Variants in TMEM135 observed in about 807,000 individuals in gnomAD.
TMEM135 encodes the protein peroxisomal membrane protein 52.
In TMEM135, 30 loss-of-function variants were observed where a neutral mutation model predicts 60.3. The ratio of observed to expected loss-of-function variants is 0.50; its 90% CI spans 0.37 to 0.68. The LOEUF (loss-of-function observed/expected upper bound fraction) is 0.68, where lower values mean the gene tolerates loss of function less well. Among genes scored for constraint, TMEM135 ranks in the 30% least tolerant of loss-of-function variants. The pLI, the probability that TMEM135 is intolerant of heterozygous loss-of-function variation, is 0.00. For synonymous variants in TMEM135, 190 were observed against 186.7 expected, an observed-to-expected ratio of 1.02 and a Z score of -0.14; for missense variants, 468 against 548.8, an observed-to-expected ratio of 0.85 and a Z score of 1.47.
intron 5 of TMEM135, among the ~76,000 whole-genome samples, chr11:87,211,938 C>T (rs549219653): frequency 5.3e-4 from 80 of 150,956 alleles, no homozygotes; most frequent in Non-Finnish European, 9.4e-4. Context: ...AGGGAGACTC[C>T]GTCTCAAAAA....
intron 6 of TMEM135, among the ~76,000 whole-genome samples, chr11:87,279,995 A>G (rs1422819771): frequency 6.6e-6 from 1 of 152,248 alleles, no homozygotes; most frequent in Non-Finnish European, 1.5e-5. Flanking sequence ...TGAATTTTAT[A>G]GTTTAATTAA....
intron 6 of TMEM135, among the ~76,000 whole-genome samples, chr11:87,274,646 T>C (rs1565151992): frequency 6.6e-6 from 1 of 152,070 alleles, no homozygotes; most frequent in Non-Finnish European, 1.5e-5. Context: ...TATTCTCATA[T>C]TAAAGAAGAT....
At chr11:87,259,896 A>G (rs1432952510) in intron 6 of TMEM135, among the ~76,000 whole-genome samples, 1 of 152,140 alleles carries the variant, frequency 6.6e-6, no homozygotes, top group Non-Finnish European at 1.5e-5. Context: ...GTTAATCACA[A>G]AGCCTCTTTG....
Position 87,324,022 on chromosome 11 carries a change from AATG to A in TMEM135, c.*2691_*2693del, listed in dbSNP as rs1412057682. 7 of 453,830 alleles carry A rather than the reference AATG, an allele frequency of 1.5e-5. No individual in the cohort carries two copies. Among genetic ancestry groups the A allele is most frequent in the Non-Finnish European group, 3.1e-5 (7 of 226,774 alleles). The allele number at this position is 453,830 out of a possible 1,614,324, so 28.1% of individuals were successfully genotyped here. On this transcript the variant is annotated 3_prime_UTR_variant, in exon 15 of 15. Coordinates refer to ENST00000305494, the MANE Select transcript of TMEM135 (RefSeq NM_022918.4). ...TATTTTTTTGGCTCTCAGATTTTATAATGAACTTTTATTAGACTGAACATGTAT... is the reference window on the plus strand; with the variant it reads ...TATTTTTTTGGCTCTCAGATTTTATAAACTTTTATTAGACTGAACATGTAT...
chr11:87,130,539 C>T lies in TMEM135; in HGVS notation c.397-26802C>T, dbSNP rs555047444. Among the ~76,000 whole-genome samples, 164 of 152,264 alleles carry T rather than the reference C, an allele frequency of 1.1e-3. 2 individuals are homozygous for T. Among genetic ancestry groups the T allele is most frequent in the African/African-American group, 3.8e-3 (157 of 41,552 alleles). On this transcript the variant is annotated intron_variant, in intron 4 of 14. Transcript: ENST00000305494. ...TGTCCTGCCATCCCCTCTTCTTTCC[C>T]TACTGTCTTTTTCATGGGTTATAGA... is the stretch of plus-strand genomic sequence containing the variant.
chr11:87,181,654 A>G (rs752132810), intron 5 of TMEM135, among the ~76,000 whole-genome samples: 4 of 152,200 alleles, frequency 2.6e-5, no homozygotes, highest in Non-Finnish European at 4.4e-5. Flanking sequence ...CGGCATAGTG[A>G]TACTAATAAT....
intron 6 of TMEM135, among the ~76,000 whole-genome samples, chr11:87,284,541 A>G (rs1311704077): frequency 6.6e-6 from 1 of 152,218 alleles, no homozygotes; most frequent in East Asian, 1.9e-4. Flanking sequence ...GGGACTTAGA[A>G]TCTCACTTGA....
chr11:87,256,729 AATT>A (rs1462259282), intron 6 of TMEM135, among the ~76,000 whole-genome samples: 1 of 152,152 alleles, frequency 6.6e-6, no homozygotes, highest in African/African-American at 2.4e-5. Flanking sequence ...AAATAATAAT[AATT>A]ATCACCCATA....
intron 4 of TMEM135, among the ~76,000 whole-genome samples, chr11:87,151,308 T>G (rs1476127219): frequency 1.3e-5 from 2 of 152,166 alleles, no homozygotes; most frequent in African/African-American, 4.8e-5. Context: ...TACTAAAATT[T>G]ATAGTTTTGC....
intron 5 of TMEM135, among the ~76,000 whole-genome samples, chr11:87,223,554 G>GA (rs952358992): frequency 1.3e-5 from 2 of 151,538 alleles, no homozygotes; most frequent in African/African-American, 4.8e-5. Context: ...AACTGCATTA[G>GA]AAAAAAAACC....
At chr11:87,166,648 T>A (rs1939057235) in intron 5 of TMEM135, among the ~76,000 whole-genome samples, 1 of 151,736 alleles carries the variant, frequency 6.6e-6, no homozygotes. Flanking sequence ...GCCTCTGTTC[T>A]GTTCCATTGG....
chr11:87,260,984 A>G lies in TMEM135; in HGVS notation c.509+24300A>G, dbSNP rs879662167. Among the ~76,000 whole-genome samples the G allele has an allele frequency of 1.6e-4, 25 of 152,208 alleles. 1 individual carries two copies. The highest frequency in any genetic ancestry group is 3.1e-4 in the Non-Finnish European group (21 of 68,038). On this transcript the variant is annotated intron_variant, in intron 6 of 14. Coordinates refer to ENST00000305494, the MANE Select transcript of TMEM135 (RefSeq NM_022918.4). ...GTGTCACACTCTGAATAGCAGAGCCATAAGTCACATCAGGAAATAACTTCT... is the reference window on the plus strand; with the variant it reads ...GTGTCACACTCTGAATAGCAGAGCCGTAAGTCACATCAGGAAATAACTTCT...
At chr11:87,070,347 A>AT (rs757118987) in intron 2 of TMEM135, among the ~76,000 whole-genome samples, 29 of 151,366 alleles carry the variant, frequency 1.9e-4, no homozygotes, top group African/African-American at 6.1e-4. Context: ...GTCTCCAAAT[A>AT]TTTTTTTTTC....
chr11:87,181,615 G>A (rs1056479289), intron 5 of TMEM135, among the ~76,000 whole-genome samples: 2 of 152,176 alleles, frequency 1.3e-5, no homozygotes, highest in African/African-American at 4.8e-5. Context: ...AAGACAGAAT[G>A]AGGGAATTTT....
intron 4 of TMEM135, among the ~76,000 whole-genome samples, chr11:87,119,114 A>G (rs534517885): frequency 2.6e-5 from 4 of 152,346 alleles, no homozygotes; most frequent in African/African-American, 4.8e-5. Flanking sequence ...GCTCTGGCCT[A>G]TCTTGGCTTT....
chr11:87,272,689 T>G (rs544186937), intron 6 of TMEM135, among the ~76,000 whole-genome samples: 3 of 152,256 alleles, frequency 2.0e-5, no homozygotes, highest in Non-Finnish European at 2.9e-5. Flanking sequence ...CTTGAACTCC[T>G]GGGCTCAAGC....
Position 87,243,339 on chromosome 11 carries a change from C to T in TMEM135, c.509+6655C>T, listed in dbSNP as rs1941184124. 2.1e-5 allele frequency among the ~76,000 whole-genome samples: 3 copies of T among 146,194 alleles called. 1 individual carries two copies. In the South Asian group the frequency reaches 6.8e-4, roughly 33 times the overall value. On this transcript the variant is annotated intron_variant, in intron 6 of 14. Coordinates refer to ENST00000305494, the MANE Select transcript of TMEM135 (RefSeq NM_022918.4). ...TAGGATTGACTTGGTGATGCAGGCT[C>T]TTTTTTGGTTCCATATGAACTTTAA...
chr11:87,261,269 C>T (rs1266588707), intron 6 of TMEM135, among the ~76,000 whole-genome samples: 1 of 152,128 alleles, frequency 6.6e-6, no homozygotes, highest in African/African-American at 2.4e-5. Flanking sequence ...TTAATATTTC[C>T]TTATGTATAT....
intron 4 of TMEM135, among the ~76,000 whole-genome samples, chr11:87,117,189 A>T (rs866751751): frequency 6.6e-6 from 1 of 152,218 alleles, no homozygotes; most frequent in African/African-American, 2.4e-5. Flanking sequence ...GTTGATAGTG[A>T]TATCAGGAAT....
Sources: allele counts gnomAD v4.1 joint callset (sites outside exome capture counted in the v4.1 genomes callset), GRCh38; gene constraint gnomAD v4.1.1; transcripts MANE v1.5; gene names NCBI Gene and HGNC (gene_info 2026-07-23, HGNC 2026-07-21).